The following PCDH9 variants were observed in gnomAD, a reference collection of about 807,000 sequenced individuals.
PCDH9 encodes the protein protocadherin 9, also known as protocadherin-9.
A neutral mutation model predicts 70.6 loss-of-function variants in PCDH9; 24 were observed. The ratio of observed to expected loss-of-function variants is 0.34; its 90% confidence interval spans 0.25 to 0.48. PCDH9 has a LOEUF of 0.48. PCDH9 is among the 20% of genes least tolerant of loss of function. The pLI, the probability that PCDH9 is intolerant of heterozygous loss-of-function variation, is 0.99. For missense variants in PCDH9, 1,281 were observed against 1,503.6 expected (o/e 0.85, Z 2.45); for synonymous variants, 562 against 558.5 (o/e 1.01, Z -0.09).
chr13:67,056,336 T>C (rs1021178237), intron 2 of PCDH9, among the ~76,000 whole-genome samples: 2 of 134,944 alleles, frequency 1.5e-5, no homozygotes, highest in Admixed American at 1.5e-4. Flanking sequence ...TGATAACATC[T>C]ATCTATGTAT....
At chr13:67,051,487 G>A (rs1481802749) in intron 2 of PCDH9, among the ~76,000 whole-genome samples, 2 of 143,824 alleles carry the variant, frequency 1.4e-5, no homozygotes, top group Non-Finnish European at 1.5e-5. Context: ...CCGCCTCCCG[G>A]GTTCAAGTGA....
At chr13:66,798,937 C>A (rs2080286413) in intron 3 of PCDH9, among the ~76,000 whole-genome samples, 1 of 151,962 alleles carries the variant, frequency 6.6e-6, no homozygotes, top group Non-Finnish European at 1.5e-5. Context: ...GCCTCAACAT[C>A]CTGAGTAGCT....
At chr13:67,185,394 T>C (rs1224402920) in intron 2 of PCDH9, among the ~76,000 whole-genome samples, 1 of 152,204 alleles carries the variant, frequency 6.6e-6, no homozygotes, top group African/African-American at 2.4e-5. Context: ...TATTGTACTA[T>C]GCTGTAACAA....
intron 4 of PCDH9, among the ~76,000 whole-genome samples, chr13:66,325,276 T>C (rs1828294024): frequency 6.6e-6 from 1 of 152,034 alleles, no homozygotes; most frequent in Non-Finnish European, 1.5e-5. Flanking sequence ...AGAATAGTTA[T>C]TCAGAAAGCT....
chr13:66,912,635 A>G (rs958863289), intron 2 of PCDH9, among the ~76,000 whole-genome samples: 9 of 152,096 alleles, frequency 5.9e-5, no homozygotes, highest in African/African-American at 2.2e-4. Flanking sequence ...ATTAAACAAA[A>G]TCAAGTACTA....
chr13:67,168,197 C>A (rs2088176124), intron 2 of PCDH9, among the ~76,000 whole-genome samples: 1 of 152,150 alleles, frequency 6.6e-6, no homozygotes, highest in Admixed American at 6.5e-5. Flanking sequence ...TTTATTCTTG[C>A]ACCCTTCTTC....
intron 2 of PCDH9, among the ~76,000 whole-genome samples, chr13:67,041,536 C>A (rs1221630195): frequency 6.6e-6 from 1 of 152,094 alleles, no homozygotes; most frequent in Non-Finnish European, 1.5e-5. Context: ...TACCCTAAGA[C>A]TGTACCTGTC....
intron 4 of PCDH9, among the ~76,000 whole-genome samples, chr13:66,528,496 A>G (rs186175769): frequency 6.6e-6 from 1 of 152,296 alleles, no homozygotes; most frequent in East Asian, 1.9e-4. Flanking sequence ...TCAGCAGTAC[A>G]GTATCAACTA....
intron 2 of PCDH9, among the ~76,000 whole-genome samples, chr13:67,127,699 T>TGTGC: frequency 6.6e-6 from 1 of 151,498 alleles, no homozygotes; most frequent in Middle Eastern, 3.4e-3. Flanking sequence ...TGTGTGTGTG[T>TGTGC]GTATGTGTGT....
At chr13:66,865,532 T>G (rs2081558396) in intron 3 of PCDH9, among the ~76,000 whole-genome samples, 1 of 152,244 alleles carries the variant, frequency 6.6e-6, no homozygotes, top group Non-Finnish European at 1.5e-5. Flanking sequence ...GGGGCAGTTT[T>G]AATTATTTGA....
At chr13:66,543,140 G>A (rs190756735) in intron 4 of PCDH9, among the ~76,000 whole-genome samples, 6,889 of 152,040 alleles carry the variant, frequency 0.045, 211 homozygotes, top group South Asian at 0.11. Context: ...TTGAGGAAGA[G>A]TATTAAATAA....
chr13:67,201,235 G>A (rs1164072654), intron 2 of PCDH9: 1 of 151,886 alleles, frequency 6.6e-6, no homozygotes, highest in Non-Finnish European at 1.5e-5. Flanking sequence ...ATAAATAGTA[G>A]AATACTTGAT....
At chr13:66,816,571 T>C (rs1197741601) in intron 3 of PCDH9, among the ~76,000 whole-genome samples, 2 of 152,184 alleles carry the variant, frequency 1.3e-5, no homozygotes, top group Non-Finnish European at 2.9e-5. Context: ...GTGCACATCC[T>C]GAAGACAGCA....
chr13:67,128,165 A>G (rs1048639860), intron 2 of PCDH9, among the ~76,000 whole-genome samples: 12 of 152,198 alleles, frequency 7.9e-5, no homozygotes, highest in Non-Finnish European at 1.8e-4. Flanking sequence ...TACCTCGCCT[A>G]CAGTGAGAGT....
At chr13:66,406,427 C>T in intron 4 of PCDH9, among the ~76,000 whole-genome samples, 1 of 152,174 alleles carries the variant, frequency 6.6e-6, no homozygotes, top group East Asian at 1.9e-4. Context: ...AGACTATAAG[C>T]ACACATCAAG....
At chr13:66,829,746 A>AAAAAAAAAAAAAAAAAAAAC (rs2080892394) in intron 3 of PCDH9, among the ~76,000 whole-genome samples, 1 of 147,064 alleles carries the variant, frequency 6.8e-6, no homozygotes, top group Non-Finnish European at 1.5e-5. Flanking sequence ...AAAAAAAAAA[A>AAAAAAAAAAAAAAAAAAAAC]TTTCATTTAG....
chr13:66,802,927 T>C (rs2139343757), intron 3 of PCDH9, among the ~76,000 whole-genome samples: 1 of 152,260 alleles, frequency 6.6e-6, no homozygotes, highest in Non-Finnish European at 1.5e-5. Context: ...TTGAACCAGG[T>C]ATTTAGGAAC....
chr13:66,304,260 C>CAAAAAAAAAAAAAAAAAAAAA lies in PCDH9; in HGVS notation c.*374_*394dup, dbSNP rs55837718. On this transcript the variant is annotated 3_prime_UTR_variant, in exon 5 of 5. Transcript: ENST00000377865. ...TAGCAGTCCCAGCACAAATCAATGA[C>CAAAAAAAAAAAAAAAAAAAAA]AAAAAAAAAAAAAAAAAAAAAAAAA... 7.6e-5 allele frequency: 5 copies of CAAAAAAAAAAAAAAAAAAAAA among 65,364 alleles called. 1 individual carries two copies. Among genetic ancestry groups the CAAAAAAAAAAAAAAAAAAAAA allele is most frequent in the Non-Finnish European group, 1.4e-4 (5 of 36,830 alleles). The allele number at this position is 65,364 out of a possible 1,614,324, so 4.0% of individuals were successfully genotyped here.
intron 2 of PCDH9, among the ~76,000 whole-genome samples, chr13:67,184,203 A>AGGG (rs1428116431): frequency 6.6e-6 from 1 of 152,178 alleles, no homozygotes; most frequent in Non-Finnish European, 1.5e-5. Flanking sequence ...CTTGGTGTCT[A>AGGG]AACCATTCTA....
Sources: gnomAD v4.1 joint callset for allele counts (sites outside exome capture counted in the v4.1 genomes callset) on GRCh38, gnomAD v4.1.1 for gene constraint, MANE v1.5 for transcripts, NCBI Gene and HGNC (gene_info 2026-07-23, HGNC 2026-07-21) for gene names.